Variants in KCNIP4 observed in about 807,000 individuals in gnomAD.
The protein encoded by KCNIP4 is Kv channel-interacting protein 4.
In KCNIP4, 12 loss-of-function variants were observed where a neutral mutation model predicts 34.0. The observed-to-expected ratio is 0.35, with a 90% confidence interval of 0.23 to 0.57. KCNIP4 has a LOEUF of 0.57. KCNIP4 is among the 20% of genes least tolerant of loss of function. The probability of loss-of-function intolerance (pLI) is 0.83; values close to 1 mark genes in which losing one functional copy is unlikely to be tolerated. For synonymous variants in KCNIP4, 124 were observed against 102.2 expected, an observed-to-expected ratio of 1.21 and a Z score of -1.29; for missense variants, 238 against 311.7, an observed-to-expected ratio of 0.76 and a Z score of 1.78.
At chr4:20,730,938 A>ATTCT (rs1747975861) in intron 8 of KCNIP4, among the ~76,000 whole-genome samples, 1 of 152,216 alleles carries the variant, frequency 6.6e-6, no homozygotes, top group Non-Finnish European at 1.5e-5. Context: ...CACCAAATTA[A>ATTCT]TTCTCTCAAA....
chr4:21,322,580 T>C (rs1304293687), intron 1 of KCNIP4, among the ~76,000 whole-genome samples: 1 of 152,120 alleles, frequency 6.6e-6, no homozygotes, highest in African/African-American at 2.4e-5. Context: ...TAGAGTCCCA[T>C]TGTTTGTAGC....
chr4:21,281,638 A>T (rs1762782671), intron 1 of KCNIP4, among the ~76,000 whole-genome samples: 1 of 152,192 alleles, frequency 6.6e-6, no homozygotes, highest in Non-Finnish European at 1.5e-5. Flanking sequence ...GTAGTCTTTG[A>T]GACCCTGAAT....
chr4:21,098,742 A>T (rs79056225), intron 1 of KCNIP4, among the ~76,000 whole-genome samples: 2,533 of 152,316 alleles, frequency 0.017, 81 homozygotes, highest in African/African-American at 0.057. Context: ...ACACCTGCTA[A>T]CACAGCATCC....
chr4:21,218,227 T>C (rs1834349), intron 1 of KCNIP4, among the ~76,000 whole-genome samples: 71,071 of 151,350 alleles, frequency 0.47, 17,995 homozygotes, highest in African/African-American at 0.67. Flanking sequence ...GTTGGCCAGG[T>C]TGGTCTCGAA....
chr4:21,647,734 T>C (rs1470252156), intron 1 of KCNIP4, among the ~76,000 whole-genome samples: 1 of 152,024 alleles, frequency 6.6e-6, no homozygotes, highest in Non-Finnish European at 1.5e-5. Flanking sequence ...GAAAAATCAT[T>C]CTATTGTTCT....
chr4:21,794,416 G>A (rs1475794090), intron 1 of KCNIP4, among the ~76,000 whole-genome samples: 2 of 152,144 alleles, frequency 1.3e-5, no homozygotes. Context: ...CAATTGTTTT[G>A]TCTCATGAAA....
At chr4:21,229,543 C>T (rs1758648021) in intron 1 of KCNIP4, among the ~76,000 whole-genome samples, 1 of 152,142 alleles carries the variant, frequency 6.6e-6, no homozygotes, top group South Asian at 2.1e-4. Flanking sequence ...ATCTTACCAA[C>T]CTTATAAGAA....
At chr4:21,693,102 C>A (rs531982376) in intron 1 of KCNIP4, among the ~76,000 whole-genome samples, 8 of 94,214 alleles carry the variant, frequency 8.5e-5, no homozygotes, top group Non-Finnish European at 1.5e-4. Context: ...CTTAGGATCA[C>A]CTCTTCCAGA....
intron 1 of KCNIP4, among the ~76,000 whole-genome samples, chr4:21,832,937 T>G (rs1238929059): frequency 6.6e-6 from 1 of 150,468 alleles, no homozygotes; most frequent in Non-Finnish European, 1.5e-5. Context: ...TTTTTATGGC[T>G]GCATAGTATT....
intron 1 of KCNIP4, chr4:21,850,861 C>T (rs1449249977): frequency 6.6e-6 from 1 of 152,096 alleles, no homozygotes; most frequent in East Asian, 1.9e-4. Flanking sequence ...CATATTCCCT[C>T]ATTAACCGTG....
intron 1 of KCNIP4, among the ~76,000 whole-genome samples, chr4:21,146,186 C>A (rs1752329558): frequency 6.6e-6 from 1 of 152,072 alleles, no homozygotes. Context: ...ATCACGAGGT[C>A]ACGAGATCGA....
intron 5 of KCNIP4, among the ~76,000 whole-genome samples, chr4:20,745,607 CA>C (rs1002889518): frequency 6.6e-6 from 1 of 152,046 alleles, no homozygotes; most frequent in African/African-American, 2.4e-5. Context: ...CCCTAAAGTA[CA>C]AAAAATGATA....
At chr4:20,899,819 C>G (rs759452309) in intron 1 of KCNIP4, among the ~76,000 whole-genome samples, 4 of 152,072 alleles carry the variant, frequency 2.6e-5, no homozygotes, top group Non-Finnish European at 5.9e-5. Context: ...TCCACTAAGA[C>G]CTTAAACTAC....
At chr4:20,765,081 GTTAT>G (rs564658236) in intron 3 of KCNIP4, among the ~76,000 whole-genome samples, 284 of 152,282 alleles carry the variant, frequency 1.9e-3, no homozygotes, top group Non-Finnish European at 3.4e-3. Flanking sequence ...TCAATAAGTA[GTTAT>G]TTAATGCCTT....
intron 1 of KCNIP4, among the ~76,000 whole-genome samples, chr4:21,919,154 G>C (rs1487263160): frequency 6.6e-6 from 1 of 152,146 alleles, no homozygotes; most frequent in Non-Finnish European, 1.5e-5. Flanking sequence ...TTCTGCCCCT[G>C]TCCAGCAAGA....
intron 1 of KCNIP4, among the ~76,000 whole-genome samples, chr4:21,333,300 C>A (rs908555469): frequency 1.3e-5 from 2 of 151,608 alleles, no homozygotes; most frequent in Non-Finnish European, 1.5e-5. Context: ...AGTCTTTTTA[C>A]CCCCAGGGAC....
rs62301289 is a variant in KCNIP4 at position 21,496,812 on chromosome 4, G to A, written c.61+451759C>T. Among the ~76,000 whole-genome samples the A allele has an allele frequency of 2.2e-3, 341 of 152,332 alleles. 2 individuals are homozygous for A. Among genetic ancestry groups the A allele is most frequent in the South Asian group, 7.9e-3 (38 of 4,828 alleles). On this transcript the variant is annotated intron_variant, in intron 1 of 8. Transcript: ENST00000382152. ...CCTGTTGTGAGCTGCACATGCGAGG[G>A]ATCTAGGCTGCATTCTCCTTATAAG...
intron 1 of KCNIP4, among the ~76,000 whole-genome samples, chr4:21,488,369 G>A (rs532932395): frequency 1.2e-4 from 18 of 152,170 alleles, no homozygotes; most frequent in African/African-American, 4.1e-4. Flanking sequence ...GTGTCCCCAT[G>A]AACAAGAACT....
intron 1 of KCNIP4, among the ~76,000 whole-genome samples, chr4:21,491,339 A>G (rs976078355): frequency 1.3e-5 from 2 of 152,120 alleles, no homozygotes. Context: ...AAGACTGCAG[A>G]GCCCAAGATG....
Sources: gnomAD v4.1 joint callset for allele counts (sites outside exome capture counted in the v4.1 genomes callset) on GRCh38, gnomAD v4.1.1 for gene constraint, MANE v1.5 for transcripts, NCBI Gene and HGNC (gene_info 2026-07-23, HGNC 2026-07-21) for gene names.